The following FARS2 variants were observed in gnomAD, a reference collection of about 807,000 sequenced individuals.
The protein encoded by FARS2 is phenylalanyl-tRNA synthetase 2, mitochondrial, also known as phenylalanine--tRNA ligase, mitochondrial.
A neutral mutation model predicts 46.4 loss-of-function variants in FARS2; 40 were observed. The ratio of observed to expected loss-of-function variants is 0.86; its 90% CI spans 0.67 to 1.12. The LOEUF (loss-of-function observed/expected upper bound fraction) is 1.12, where lower values mean the gene tolerates loss of function less well. Ranked by LOEUF, FARS2 falls within the 50% of genes most tolerant of loss-of-function variation. The pLI, the probability that FARS2 is intolerant of heterozygous loss-of-function variation, is 0.00. For synonymous variants in FARS2, 234 were observed against 214.9 expected, an observed-to-expected ratio of 1.09 and a Z score of -0.78; for missense variants, 513 against 567.9, an observed-to-expected ratio of 0.90 and a Z score of 0.98.
rs900324578 is a variant in FARS2, at chr6:5,311,407, CGT to C, written c.-22+49760_-22+49761del. ...ACAGAAGGGGGTCCTATTTCAGTCA[CGT>C]GTGTGTGTGTGTACATTTGGCATGT... On this transcript the variant is annotated intron_variant, in intron 1 of 6. Transcript: ENST00000274680. This position sits in a 1 kb window ranked among gnomAD's most constrained non-coding sequence, Gnocchi z 4.1. Among the ~76,000 whole-genome samples the C allele has an allele frequency of 1.3e-5, 2 of 151,576 alleles. No individual in the cohort carries two copies. The highest frequency in any genetic ancestry group is 2.9e-5 in the Non-Finnish European group (2 of 67,842).
chr6:5,351,611 G>T (rs1410471869), intron 1 of FARS2, among the ~76,000 whole-genome samples: 1 of 152,148 alleles, frequency 6.6e-6, no homozygotes, highest in Non-Finnish European at 1.5e-5. Context: ...ATAAAAGCAG[G>T]GTGGGGGAAA....
intron 1 of FARS2, among the ~76,000 whole-genome samples, chr6:5,300,750 A>G (rs1177465567): frequency 6.6e-6 from 1 of 151,972 alleles, no homozygotes; most frequent in East Asian, 1.9e-4. Context: ...AGCTTAGTGC[A>G]GCCTTCATCT....
chr6:5,761,747 T>A (rs1212991104), intron 6 of FARS2, among the ~76,000 whole-genome samples: 1 of 144,840 alleles, frequency 6.9e-6, no homozygotes, highest in Non-Finnish European at 1.5e-5. Flanking sequence ...GATAATGGAA[T>A]AGTTGAAAAG....
At chr6:5,441,233 T>A (rs1763827796) in intron 4 of FARS2, among the ~76,000 whole-genome samples, 1 of 152,068 alleles carries the variant, frequency 6.6e-6, no homozygotes, top group Non-Finnish European at 1.5e-5. Context: ...CTCAGTCCAT[T>A]TTCTAATGAG....
rs1250170284 is a variant in FARS2, at chr6:5,430,982, AC to A, written c.773-58del. On this transcript the variant is annotated intron_variant, in intron 3 of 6. Transcript: ENST00000274680. ...CATTAGTAGAAGGGAAAATTTGATC[AC>A]AAGAAAGGGCAGACAGCTATTTAAC... 1.4e-5 allele frequency: 22 copies of A among 1,559,454 alleles called. No homozygotes were observed. The African/African-American group carries it at 2.7e-4, about 19-fold the overall frequency.
chr6:5,653,314 T>G (rs1158086147), intron 6 of FARS2, among the ~76,000 whole-genome samples: 1 of 152,224 alleles, frequency 6.6e-6, no homozygotes, highest in Non-Finnish European at 1.5e-5. Context: ...AAAAGTACAC[T>G]GATCTACTGT....
Position 5,679,790 on chromosome 6 carries a change from G to A in FARS2, c.1217+66470G>A, listed in dbSNP as rs1009531821. 4.0e-4 allele frequency among the ~76,000 whole-genome samples: 60 copies of A among 151,668 alleles called. 1 individual carries two copies. The highest frequency in any genetic ancestry group is 1.3e-3 in the African/African-American group (54 of 41,140). On this transcript the variant is annotated intron_variant, in intron 6 of 6. Transcript: ENST00000274680. ...CTTTCCTGGTTTTTCCTGAGTGCCT[G>A]GTCCTCCCAAAACTCCTATCTTTTT...
intron 4 of FARS2, among the ~76,000 whole-genome samples, chr6:5,528,762 G>A (rs1016276685): frequency 6.6e-6 from 1 of 152,228 alleles, no homozygotes; most frequent in Non-Finnish European, 1.5e-5. Flanking sequence ...CCTTGGGAAA[G>A]CTTGTGTTTC....
intron 3 of FARS2, among the ~76,000 whole-genome samples, chr6:5,414,789 G>T (rs2127737604): frequency 6.7e-6 from 1 of 149,736 alleles, no homozygotes; most frequent in Admixed American, 6.7e-5. Context: ...AAATGGAATG[G>T]CTGCATGGTA....
intron 6 of FARS2, among the ~76,000 whole-genome samples, chr6:5,700,031 A>T (rs967363237): frequency 2.0e-5 from 3 of 152,130 alleles, no homozygotes; most frequent in Non-Finnish European, 4.4e-5. Context: ...CGAACGCTCT[A>T]TGCTTTTATA....
At chr6:5,602,753 C>T (rs1017237473) in intron 5 of FARS2, among the ~76,000 whole-genome samples, 3 of 151,488 alleles carry the variant, frequency 2.0e-5, no homozygotes, top group Non-Finnish European at 4.4e-5. Flanking sequence ...GGAGCAGGGG[C>T]CAGTTAGGAT....
intron 4 of FARS2, among the ~76,000 whole-genome samples, chr6:5,508,432 C>T (rs1308539810): frequency 1.3e-5 from 2 of 152,148 alleles, no homozygotes; most frequent in South Asian, 2.1e-4. Flanking sequence ...AGTGAGTGAA[C>T]ACATGACAGC....
intron 2 of FARS2, among the ~76,000 whole-genome samples, chr6:5,401,206 T>A (rs758406084): frequency 5.3e-5 from 8 of 152,270 alleles, no homozygotes; most frequent in Non-Finnish European, 8.8e-5. Flanking sequence ...TATATTGTGG[T>A]GTTATATATG....
In FARS2 at chr6:5,727,847, C is replaced by A. The variant is rs1034229024; in HGVS notation, c.1218-43444C>A. On this transcript the variant is annotated intron_variant, in intron 6 of 6. Transcript: ENST00000274680. The surrounding 1 kb of genome is among the most constrained non-coding windows in gnomAD (Gnocchi z 4.1). ...CTTGGATATGTAATGCGAGGGATAC[C>A]AACAGACTGATTTCTAAATGAGCTT... Among the ~76,000 whole-genome samples the A allele has an allele frequency of 2.4e-4, 36 of 152,122 alleles. No homozygotes were observed. The highest frequency in any genetic ancestry group is 8.4e-4 in the African/African-American group (35 of 41,424).
In FARS2 at chr6:5,284,156, T is replaced by C. The variant is rs576662428; in HGVS notation, c.-22+22496T>C. On this transcript the variant is annotated intron_variant, in intron 1 of 6. Transcript: ENST00000274680. ...TCTCTCATGAATGCTATTGAGCACC[T>C]TGTTACAGCTTTCAGAGGCATTTGT... Among the ~76,000 whole-genome samples, 10 of 152,356 alleles carry C rather than the reference T, an allele frequency of 6.6e-5. No homozygotes were observed. The South Asian group carries it at 1.7e-3, about 25-fold the overall frequency.
At chr6:5,437,178 G>A (rs991064789) in intron 4 of FARS2, among the ~76,000 whole-genome samples, 1 of 152,046 alleles carries the variant, frequency 6.6e-6, no homozygotes, top group African/African-American at 2.4e-5. Flanking sequence ...CATTATACCT[G>A]GCTTCTTTCA....
intron 1 of FARS2, among the ~76,000 whole-genome samples, chr6:5,265,167 G>T (rs78511884): frequency 0.01 from 1,594 of 152,318 alleles, 31 homozygotes; most frequent in African/African-American, 0.035. Flanking sequence ...TAGGGAAGAG[G>T]AATATTGAAC....
chr6:5,454,463 T>TC, intron 4 of FARS2, among the ~76,000 whole-genome samples: 1 of 151,644 alleles, frequency 6.6e-6, no homozygotes, highest in East Asian at 1.9e-4. Flanking sequence ...TGCCTCAGCC[T>TC]CCCCCCGAGT....
rs932358998 is a variant in FARS2 at position 5,313,314 on chromosome 6, T to C, written c.-22+51654T>C. On this transcript the variant is annotated intron_variant, in intron 1 of 6. Transcript: ENST00000274680. Reference sequence around the variant, plus strand: ...CCATACTCAGACTACCATCAGCTGGTTCTAGTTTCCCAGTGACTTCTGATT... The same window carrying C: ...CCATACTCAGACTACCATCAGCTGGCTCTAGTTTCCCAGTGACTTCTGATT... Among the ~76,000 whole-genome samples the C allele has an allele frequency of 3.7e-4, 57 of 152,210 alleles. 1 individual carries two copies. The highest frequency in any genetic ancestry group is 3.7e-3 in the Admixed American group (57 of 15,284).
Sources: gnomAD v4.1 joint callset for allele counts (sites outside exome capture counted in the v4.1 genomes callset) on GRCh38, gnomAD v4.1.1 for gene constraint, Gnocchi (gnomAD v3.1) non-coding constraint, MANE v1.5 for transcripts, NCBI Gene and HGNC (gene_info 2026-07-23, HGNC 2026-07-21) for gene names.